Variants in TOP6BL observed in about 807,000 individuals in gnomAD.
TOP6BL encodes the protein TOP6B like initiator of meiotic double strand breaks.
the TOP6BL span, among the ~76,000 whole-genome samples, chr11:66,818,303 G>A: frequency 1.3e-5 from 2 of 152,116 alleles, no homozygotes; most frequent in African/African-American, 4.8e-5. Context: ...ACTTTTCCCT[G>A]CCTTTTCCCA....
At chr11:66,808,560 G>C in the TOP6BL span, among the ~76,000 whole-genome samples, 1 of 151,952 alleles carries the variant, frequency 6.6e-6, no homozygotes, top group Non-Finnish European at 1.5e-5. Context: ...TTACTATGTT[G>C]ATGAAAATGA....
chr11:66,773,162 C>T, the TOP6BL span, among the ~76,000 whole-genome samples: 1 of 152,120 alleles, frequency 6.6e-6, no homozygotes, highest in Non-Finnish European at 1.5e-5. Flanking sequence ...TTTGACCTCC[C>T]TGGCTCAAGC....
chr11:66,821,363 C>A, the TOP6BL span, among the ~76,000 whole-genome samples: 1 of 149,352 alleles, frequency 6.7e-6, no homozygotes, highest in Non-Finnish European at 1.5e-5. Flanking sequence ...TCTTGGCTCA[C>A]TGCAAGCTCC....
chr11:66,817,836 C>T, the TOP6BL span, among the ~76,000 whole-genome samples: 5 of 152,090 alleles, frequency 3.3e-5, no homozygotes, highest in South Asian at 2.1e-4. Flanking sequence ...CATGAGCAAT[C>T]GCACTGGCCT....
the TOP6BL span, among the ~76,000 whole-genome samples, chr11:66,809,461 G>A: frequency 1.3e-5 from 2 of 152,034 alleles, no homozygotes; most frequent in Non-Finnish European, 2.9e-5. Context: ...GTAACAAGAA[G>A]AATTAATTCA....
At chr11:66,755,161 C>G in the TOP6BL span, among the ~76,000 whole-genome samples, 1 of 151,434 alleles carries the variant, frequency 6.6e-6, no homozygotes, top group Non-Finnish European at 1.5e-5. Context: ...ACTCTGTTGC[C>G]CAGGCTGGAG....
the TOP6BL span, among the ~76,000 whole-genome samples, chr11:66,761,189 G>C: frequency 1.3e-5 from 2 of 151,924 alleles, no homozygotes; most frequent in Non-Finnish European, 2.9e-5. Context: ...GGCTAACACG[G>C]TGAAACCCCG....
At chr11:66,787,448 G>C in the TOP6BL span, among the ~76,000 whole-genome samples, 1 of 150,386 alleles carries the variant, frequency 6.6e-6, no homozygotes, top group South Asian at 2.1e-4. Flanking sequence ...GCTCATGTCT[G>C]TAATCCCAGC....
the TOP6BL span, chr11:66,758,965 T>C: frequency 8.9e-7 from 1 of 1,117,820 alleles, no homozygotes; most frequent in East Asian, 2.6e-5. Flanking sequence ...GTAAGCAGTT[T>C]TTTAGACTCT....
At chr11:66,821,870 C>T in the TOP6BL span, 2 of 1,303,510 alleles carry the variant, frequency 1.5e-6, no homozygotes, top group Non-Finnish European at 2.1e-6. Context: ...ATGCCCCTTC[C>T]TCTCCTCTTC....
At chr11:66,807,910 A>G in the TOP6BL span, among the ~76,000 whole-genome samples, 12 of 152,220 alleles carry the variant, frequency 7.9e-5, no homozygotes, top group African/African-American at 1.4e-4. Context: ...TACTCTTCAC[A>G]TGGACTGTAT....
the TOP6BL span, among the ~76,000 whole-genome samples, chr11:66,832,052 T>C: frequency 6.6e-6 from 1 of 150,990 alleles, no homozygotes; most frequent in Non-Finnish European, 1.5e-5. Context: ...TGCAGTTTAC[T>C]CTGTCAGTTT....
At chr11:66,828,679 C>T in the TOP6BL span, 1 of 193,188 alleles carries the variant, frequency 5.2e-6, no homozygotes, top group Admixed American at 5.7e-5. Flanking sequence ...ATAATTTCAT[C>T]TTTAATTTCT....
At chr11:66,788,243 G>T in the TOP6BL span, 4 of 1,613,208 alleles carry the variant, frequency 2.5e-6, no homozygotes, top group African/African-American at 1.3e-5. Flanking sequence ...TATGACAGGG[G>T]TAACACCCTT....
At chr11:66,758,378 C>G in the TOP6BL span, 1 of 129,870 alleles carries the variant, frequency 7.7e-6, no homozygotes, top group Non-Finnish European at 1.5e-5. Flanking sequence ...GTGGCGCAAT[C>G]TCAGCTCACT....
the TOP6BL span, among the ~76,000 whole-genome samples, chr11:66,745,678 C>T: frequency 6.6e-6 from 1 of 152,218 alleles, no homozygotes; most frequent in Non-Finnish European, 1.5e-5. Context: ...TCAAAGAAGG[C>T]GGCGGGATTC....
the TOP6BL span, among the ~76,000 whole-genome samples, chr11:66,745,409 T>G: frequency 6.6e-6 from 1 of 150,864 alleles, no homozygotes; most frequent in Non-Finnish European, 1.5e-5. Context: ...CAGGTGCAGG[T>G]TTCTGGGTTC....
the TOP6BL span, among the ~76,000 whole-genome samples, chr11:66,826,037 G>T: frequency 6.6e-6 from 1 of 152,028 alleles, no homozygotes; most frequent in African/African-American, 2.4e-5. Flanking sequence ...TAGAGACGGG[G>T]TTTCATCGTG....
At chr11:66,799,647 G>A in the TOP6BL span, among the ~76,000 whole-genome samples, 1 of 152,000 alleles carries the variant, frequency 6.6e-6, no homozygotes, top group Non-Finnish European at 1.5e-5. Flanking sequence ...AGGAGGCGGA[G>A]GTTGCAGTGA....
Sources: allele counts gnomAD v4.1 joint callset (sites outside exome capture counted in the v4.1 genomes callset), GRCh38; gene constraint gnomAD v4.1.1; transcripts MANE v1.5; gene names NCBI Gene and HGNC (gene_info 2026-07-23, HGNC 2026-07-21).